Variants in SEMA3A observed in about 807,000 individuals in gnomAD.
SEMA3A encodes semaphorin-3A.
In SEMA3A, 29 loss-of-function variants were observed where a neutral mutation model predicts 97.9. That is an observed-to-expected ratio of 0.30 (90% confidence interval 0.22 to 0.40). The LOEUF (loss-of-function observed/expected upper bound fraction) is 0.40, where lower values mean the gene tolerates loss of function less well. SEMA3A is among the 10% of genes least tolerant of loss of function. The pLI, the probability that SEMA3A is intolerant of heterozygous loss-of-function variation, is 1.00. For synonymous variants in SEMA3A, 321 were observed against 323.7 expected, an observed-to-expected ratio of 0.99 and a Z score of 0.09; for missense variants, 763 against 951.3, an observed-to-expected ratio of 0.80 and a Z score of 2.60.
At chr7:84,095,626 CT>C (rs1186589780) in intron 4 of SEMA3A, among the ~76,000 whole-genome samples, 13 of 145,760 alleles carry the variant, frequency 8.9e-5, no homozygotes, top group South Asian at 2.2e-4. Flanking sequence ...ACAGATGTTG[CT>C]TTTTTTTTTC....
At chr7:84,029,399 A>C (rs1791658739) in intron 6 of SEMA3A, among the ~76,000 whole-genome samples, 1 of 152,164 alleles carries the variant, frequency 6.6e-6, no homozygotes, top group African/African-American at 2.4e-5. Context: ...CACTACAAAT[A>C]ATGATTTAGA....
chr7:84,132,702 G>A, intron 2 of SEMA3A, among the ~76,000 whole-genome samples: 1 of 118,674 alleles, frequency 8.4e-6, no homozygotes. Flanking sequence ...TTGAGACGGA[G>A]TCTCGCTCTG....
intron 3 of SEMA3A, among the ~76,000 whole-genome samples, chr7:84,200,798 C>CT (rs33924638): frequency 0.013 from 1,831 of 141,680 alleles, 33 homozygotes; most frequent in African/African-American, 0.045. Context: ...GTTTTTTTTC[C>CT]TTTTTTTTTT....
At chr7:84,372,975 C>G (rs1465830480) in intron 1 of SEMA3A, among the ~76,000 whole-genome samples, 2 of 152,124 alleles carry the variant, frequency 1.3e-5, no homozygotes, top group Non-Finnish European at 2.9e-5. Context: ...TGACAACATG[C>G]CAGCTCCAAA....
chr7:84,069,569 CTT>C (rs367728093), intron 4 of SEMA3A, among the ~76,000 whole-genome samples: 51 of 151,984 alleles, frequency 3.4e-4, no homozygotes, highest in African/African-American at 1.2e-3. Flanking sequence ...ATTGAAAATT[CTT>C]TCTTATAGGT....
In SEMA3A at chr7:83,958,906, G is replaced by A. The variant is rs895540329; in HGVS notation, c.*2465C>T. On this transcript the variant is annotated 3_prime_UTR_variant, in exon 17 of 17. Coordinates refer to ENST00000265362, the MANE Select transcript of SEMA3A (RefSeq NM_006080.3). Reference sequence around the variant, plus strand: ...AACAGTTTCATCTCTGATGATTCATGCATATGACAAAGTCTATTTAAAGCT... The same window carrying A: ...AACAGTTTCATCTCTGATGATTCATACATATGACAAAGTCTATTTAAAGCT... 1.3e-5 allele frequency: 2 copies of A among 152,066 alleles called. No homozygotes were observed. Among genetic ancestry groups the A allele is most frequent in the Admixed American group, 1.3e-4 (2 of 15,236 alleles). The allele number at this position is 152,066 out of a possible 1,614,324, so 9.4% of individuals were successfully genotyped here.
chr7:84,093,216 G>A lies in SEMA3A; in HGVS notation c.453+17254C>T, dbSNP rs1794650251. On this transcript the variant is annotated intron_variant, in intron 4 of 16. Coordinates refer to ENST00000265362, the MANE Select transcript of SEMA3A (RefSeq NM_006080.3). ...CAAAAATAACTAACACTTGAGAGAT[G>A]AACAAATGGTCTTCAACAGTTCAGA... Among the ~76,000 whole-genome samples the A allele has an allele frequency of 2.0e-5, 3 of 152,094 alleles. 1 individual carries two copies. Among genetic ancestry groups the A allele is most frequent in the Non-Finnish European group, 4.4e-5 (3 of 68,000 alleles).
At chr7:84,008,541 A>G (rs1790761392) in intron 9 of SEMA3A, among the ~76,000 whole-genome samples, 1 of 152,026 alleles carries the variant, frequency 6.6e-6, no homozygotes, top group South Asian at 2.1e-4. Context: ...TATTAGGCTT[A>G]TAGAAATGTG....
At chr7:84,245,769 T>A (rs559224986) in intron 3 of SEMA3A, among the ~76,000 whole-genome samples, 4 of 152,136 alleles carry the variant, frequency 2.6e-5, no homozygotes, top group Non-Finnish European at 5.9e-5. Flanking sequence ...GCTGGAGTTC[T>A]ACCATATGAG....
intron 1 of SEMA3A, among the ~76,000 whole-genome samples, chr7:84,478,097 T>G (rs1806347952): frequency 6.6e-6 from 1 of 152,210 alleles, no homozygotes; most frequent in African/African-American, 2.4e-5. Flanking sequence ...AAATATACTT[T>G]GAAATTTAGT....
At chr7:84,316,186 T>A (rs1196763543) in intron 2 of SEMA3A, among the ~76,000 whole-genome samples, 3 of 147,076 alleles carry the variant, frequency 2.0e-5, no homozygotes, top group Non-Finnish European at 4.5e-5. Flanking sequence ...AAACTAAACT[T>A]CATTTATCGT....
At chr7:84,279,520 G>A (rs891605751) in intron 3 of SEMA3A, among the ~76,000 whole-genome samples, 1 of 152,134 alleles carries the variant, frequency 6.6e-6, no homozygotes, top group African/African-American at 2.4e-5. Context: ...AAGGACATGA[G>A]AGAGACATGG....
At chr7:84,120,013 G>T (rs999475358) in intron 3 of SEMA3A, among the ~76,000 whole-genome samples, 1 of 151,306 alleles carries the variant, frequency 6.6e-6, no homozygotes, top group East Asian at 1.9e-4. Flanking sequence ...GAAATTTTCA[G>T]TAAAAAAGGA....
intron 3 of SEMA3A, among the ~76,000 whole-genome samples, chr7:84,241,701 C>A (rs1319825422): frequency 6.6e-6 from 1 of 152,038 alleles, no homozygotes. Context: ...AAGTCTTTGC[C>A]CATGCCAATG....
At chr7:84,397,181 T>A (rs1803758464) in intron 1 of SEMA3A, among the ~76,000 whole-genome samples, 1 of 151,976 alleles carries the variant, frequency 6.6e-6, no homozygotes. Flanking sequence ...TGATATCAAA[T>A]AATAATCTAC....
chr7:84,056,716 T>C (rs990391202), intron 5 of SEMA3A, among the ~76,000 whole-genome samples: 1 of 152,180 alleles, frequency 6.6e-6, no homozygotes, highest in African/African-American at 2.4e-5. Context: ...ACCTTCTCTA[T>C]ATCAATAAAT....
chr7:84,437,598 C>G (rs2116332845), intron 1 of SEMA3A, among the ~76,000 whole-genome samples: 1 of 148,018 alleles, frequency 6.8e-6, no homozygotes, highest in Non-Finnish European at 1.5e-5. Context: ...GAGGAAAAAG[C>G]TGCTTTAAAG....
intron 1 of SEMA3A, among the ~76,000 whole-genome samples, chr7:84,164,006 C>G (rs1797129270): frequency 6.6e-6 from 1 of 152,044 alleles, no homozygotes. Context: ...CCACCACGCC[C>G]AGCTAATTTT....
chr7:84,275,891 G>T (rs192134529), intron 3 of SEMA3A, among the ~76,000 whole-genome samples: 588 of 151,942 alleles, frequency 3.9e-3, no homozygotes, highest in Admixed American at 7.8e-3. Context: ...TGTTTAGTGT[G>T]GCATATAGAT....
Sources: allele counts gnomAD v4.1 joint callset (sites outside exome capture counted in the v4.1 genomes callset), GRCh38; gene constraint gnomAD v4.1.1; transcripts MANE v1.5; gene names NCBI Gene and HGNC (gene_info 2026-07-23, HGNC 2026-07-21).